The following RINL variants were observed in gnomAD, a reference collection of about 807,000 sequenced individuals.
RINL encodes the protein Ras and Rab interactor like, also known as ras and Rab interactor-like protein.
Under a neutral mutation model 58.1 loss-of-function variants are expected in RINL, and 39 were observed. The observed-to-expected ratio is 0.67, with a 90% CI of 0.52 to 0.88. The LOEUF is 0.88. RINL is among the 40% of genes least tolerant of loss of function. RINL has a pLI of 0.00. For synonymous variants in RINL, 286 were observed against 323.1 expected (o/e 0.89, Z 1.23); for missense variants, 711 against 749.2 (o/e 0.95, Z 0.60).
chr19:38,873,032 C>T (rs1383804937), intron 4 of RINL, among the ~76,000 whole-genome samples: 1 of 152,076 alleles, frequency 6.6e-6, no homozygotes, highest in Non-Finnish European at 1.5e-5. Context: ...TGGGCCACTG[C>T]ACTCCGCCTG....
chr19:38,877,597 C>T (rs931263090), intron 1 of RINL, among the ~76,000 whole-genome samples: 1 of 152,184 alleles, frequency 6.6e-6, no homozygotes, highest in Non-Finnish European at 1.5e-5. Flanking sequence ...TGCCCACTAC[C>T]AAGATTCTAC....
intron 5 of RINL, 26 bp from the exon 6 acceptor site, chr19:38,871,737 A>C (rs765389215): frequency 1.9e-6 from 3 of 1,613,880 alleles, no homozygotes; most frequent in South Asian, 1.1e-5. Flanking sequence ...TGGGAGCCAC[A>C]GTGTCAGTGG....
At position 38,869,546 on chromosome 19, in the gene RINL, T is replaced by A; in HGVS notation, c.1474+27A>T. ...TCCCGGAGGTACTGGATCGCTGGGCTCCAGCATTCTGGAGTTGGGGGCTCA... is the reference window on the plus strand; with the variant it reads ...TCCCGGAGGTACTGGATCGCTGGGCACCAGCATTCTGGAGTTGGGGGCTCA... On this transcript the variant is annotated intron_variant, in intron 10 of 11. Coordinates refer to ENST00000591812, the MANE Select transcript of RINL (RefSeq NM_001195833.2). The surrounding 1 kb of genome is among the most constrained non-coding windows in gnomAD (Gnocchi z 5.7). 1 of 1,611,876 alleles carries A rather than the reference T, an allele frequency of 6.2e-7. No homozygotes were observed. Among genetic ancestry groups the A allele is most frequent in the South Asian group, 1.1e-5 (1 of 90,966 alleles).
intron 3 of RINL, among the ~76,000 whole-genome samples, chr19:38,874,662 G>A (rs981663127): frequency 2.0e-5 from 3 of 152,204 alleles, no homozygotes; most frequent in African/African-American, 7.2e-5. Flanking sequence ...ACCCTCCTGA[G>A]GAGGAAGCTG....
At chr19:38,877,114 C>T (rs955610870) in intron 1 of RINL, among the ~76,000 whole-genome samples, 6 of 152,120 alleles carry the variant, frequency 3.9e-5, no homozygotes, top group South Asian at 2.1e-4. Flanking sequence ...AAGGTTTTGA[C>T]GTGTTACCCA....
chr19:38,874,326 G>A (rs1972874975), intron 3 of RINL, among the ~76,000 whole-genome samples: 1 of 152,066 alleles, frequency 6.6e-6, no homozygotes, highest in Non-Finnish European at 1.5e-5. Flanking sequence ...AGGCTGGAGT[G>A]CAGTGGCACA....
chr19:38,871,316 T>C, intron 6 of RINL, 89 bp from the exon 7 acceptor site: 1 of 1,438,992 alleles, frequency 6.9e-7, no homozygotes, highest in Non-Finnish European at 9.7e-7. Flanking sequence ...ACTTCCCAGC[T>C]TCATTGCTGG....
chr19:38,869,278 G>A lies in RINL; in HGVS notation c.1607C>T (p.Thr536Met). 1 of 1,614,038 alleles carries A rather than the reference G, an allele frequency of 6.2e-7. No homozygotes were observed. The highest frequency in any genetic ancestry group is 8.5e-7 in the Non-Finnish European group (1 of 1,179,960). ...TCTGGGATGATCCTTTCTGTGCAGC[G>A]TCCGCCTGCGGTGCCACTGGTGCAG... ...ASLHQWHRRR[T>M]LHRKDHPRAQ... Residue 536 changes from threonine (T) to methionine (M), a missense_variant, in exon 11 of 12, where the codon ACG (threonine) becomes ATG (methionine). Coordinates refer to ENST00000591812, the MANE Select transcript of RINL (RefSeq NM_001195833.2). The surrounding 1 kb of genome is among the most constrained non-coding windows in gnomAD (Gnocchi z 5.7).
intron 3 of RINL, among the ~76,000 whole-genome samples, chr19:38,875,214 CTT>C (rs968872594): frequency 7.7e-6 from 1 of 129,296 alleles, no homozygotes; most frequent in African/African-American, 2.8e-5. Flanking sequence ...TTTCTTTTTT[CTT>C]TTTTTTTTTT....
At position 38,870,847 on chromosome 19, in the gene RINL, G is replaced by A; in HGVS notation, c.747C>T (p.Asp249=). 6.2e-7 allele frequency: 1 copy of A among 1,607,480 alleles called. No homozygotes were observed. Among genetic ancestry groups the A allele is most frequent in the Non-Finnish European group, 8.5e-7 (1 of 1,179,986 alleles). The change falls in exon 8 of 12, where the codon GAC becomes GAT. Residue 249 remains aspartate (D), a synonymous_variant. Transcript: ENST00000591812. The surrounding 1 kb of genome is among the most constrained non-coding windows in gnomAD (Gnocchi z 5.8). ...CGTCCTCAGGGCCTTCCTCTTCAGGGTCGTCCTCCCTTCCTTCCTCCTTTC... is the reference window on the plus strand; with the variant it reads ...CGTCCTCAGGGCCTTCCTCTTCAGGATCGTCCTCCCTTCCTTCCTCCTTTC... ...LEGKEEGRED[D]PEEEGPEDVL...
Position 38,868,896 on chromosome 19 carries a change from T to C in RINL, c.*208A>G, listed in dbSNP as rs1193326224. ...TCAGTGAGGCTTTCTCTGATACGCC[T>C]GTCTAAAACTGCAAAGCCTCCTGAG... On this transcript the variant is annotated 3_prime_UTR_variant, in exon 12 of 12. Transcript: ENST00000591812. 6 of 513,306 alleles carry C rather than the reference T, an allele frequency of 1.2e-5. No homozygotes were observed. Among genetic ancestry groups the C allele is most frequent in the Admixed American group, 3.3e-5 (1 of 30,524 alleles). 31.8% of individuals were successfully genotyped at this position (513,306 alleles called of 1,614,324 possible).
chr19:38,869,966 C>G lies in RINL; in HGVS notation c.1319G>C (p.Gly440Ala). 6.3e-7 allele frequency: 1 copy of G among 1,599,898 alleles called. No individual in the cohort carries two copies. The highest frequency in any genetic ancestry group is 8.5e-7 in the Non-Finnish European group (1 of 1,174,430). ...LLEVCRDVYA[G>A]LARGENQDPL... is the part of the protein sequence containing the mutation. Reference sequence around the variant, plus strand: ...ACCTTGGTTCTCGCCTCGAGCCAGGCCCGCATAGACATCTCTGCACACCTC... The same window carrying G: ...ACCTTGGTTCTCGCCTCGAGCCAGGGCCGCATAGACATCTCTGCACACCTC... Residue 440 changes from glycine (G) to alanine (A), a missense_variant, in exon 9 of 12, where the codon GGC (glycine) becomes GCC (alanine). Gly to Ala is a moderately conservative substitution (Grantham distance 60). Transcript: ENST00000591812. The surrounding 1 kb of genome is among the most constrained non-coding windows in gnomAD (Gnocchi z 5.7).
chr19:38,870,056 A>T lies in RINL; in HGVS notation c.1229T>A (p.Ile410Asn). ...QSPAPALRSRIHERLAHLHAA... is the reference protein window; with the variant it reads ...QSPAPALRSRNHERLAHLHAA... ...GTGGAGGTGCGCAAGGCGCTCGTGG[A>T]TGCGGCTCCGCAAGGCGGGGGCGGG... Residue 410 changes from isoleucine to asparagine, a missense_variant, in exon 9 of 12, where the codon ATC (isoleucine) becomes AAC (asparagine). Transcript: ENST00000591812. This position sits in a 1 kb window ranked among gnomAD's most constrained non-coding sequence, Gnocchi z 5.8. 1 of 1,535,876 alleles carries T rather than the reference A, an allele frequency of 6.5e-7. No homozygotes were observed. The highest frequency in any genetic ancestry group is 1.4e-5 in the African/African-American group (1 of 71,396).
At chr19:38,877,619 T>A (rs1323712693) in intron 1 of RINL, among the ~76,000 whole-genome samples, 1 of 152,222 alleles carries the variant, frequency 6.6e-6, no homozygotes, top group African/African-American at 2.4e-5. Flanking sequence ...ATGAACATTT[T>A]ACTCATCTTG....
chr19:38,876,900 C>A (rs892889135), intron 1 of RINL, 119 bp from the exon 2 acceptor site: 2 of 627,348 alleles, frequency 3.2e-6, no homozygotes, highest in Admixed American at 2.7e-5. Context: ...GGCCGCTTGC[C>A]GTGGCAGGGG....
At position 38,870,979 on chromosome 19, in the gene RINL, A is replaced by T; in HGVS notation, c.615T>A (p.Pro205=). Residue 205 remains proline (P), a synonymous_variant, in exon 8 of 12, where the codon CCT becomes CCA. Transcript: ENST00000591812. This position sits in a 1 kb window ranked among gnomAD's most constrained non-coding sequence, Gnocchi z 5.8. Reference sequence around the variant, plus strand: ...TCACCCAGGAGACCCCGTGAGGCGCAGGGTTCCTGGGGGCTGGAAGTGAGG... The same window carrying T: ...TCACCCAGGAGACCCCGTGAGGCGCTGGGTTCCTGGGGGCTGGAAGTGAGG... ...AQRHDPAPRN[P]APHGVSWVKG... is the part of the protein sequence containing the mutation. 1 of 1,601,640 alleles carries T rather than the reference A, an allele frequency of 6.2e-7. No individual in the cohort carries two copies.
In RINL at chr19:38,868,728, G is replaced by A; in HGVS notation, c.*376C>T. 5.5e-6 allele frequency: 1 copy of A among 182,990 alleles called. No homozygotes were observed. The highest frequency in any genetic ancestry group is 1.2e-5 in the Non-Finnish European group (1 of 86,056). The allele number at this position is 182,990 out of a possible 1,614,324, so 11.3% of individuals were successfully genotyped here. A position where few individuals can be genotyped will look rare whatever the true frequency, so the allele number is the denominator to read the frequency against. Reference sequence around the variant, plus strand: ...CTATGTGGTTTAGGAGCAGCAAGGAGGAGGGAGGGGTCCCAGGAAAAGGGA... The same window carrying A: ...CTATGTGGTTTAGGAGCAGCAAGGAAGAGGGAGGGGTCCCAGGAAAAGGGA... On this transcript the variant is annotated 3_prime_UTR_variant, in exon 12 of 12. Transcript: ENST00000591812.
At position 38,871,820 on chromosome 19, in the gene RINL, G is replaced by A. The variant is rs776874319; in HGVS notation, c.364C>T (p.Leu122=). 6.2e-7 allele frequency: 1 copy of A among 1,614,170 alleles called. No homozygotes were observed. The highest frequency in any genetic ancestry group is 8.5e-7 in the Non-Finnish European group (1 of 1,179,988). Reference sequence around the variant, plus strand: ...TACCTGCTGGCTGATAGAAAGGCCAGGAGATGGGGCAGGTCTGGCATGCAG... The same window carrying A: ...TACCTGCTGGCTGATAGAAAGGCCAAGAGATGGGGCAGGTCTGGCATGCAG... ...NLCMPDLPHL[L]AFLSASRDVL... The change falls in exon 5 of 12, where the codon CTG becomes TTG. Residue 122 remains leucine (L), a synonymous_variant. Coordinates refer to ENST00000591812, the MANE Select transcript of RINL (RefSeq NM_001195833.2).
chr19:38,876,216 C>T, intron 3 of RINL, 115 bp downstream of exon 3: 2 of 1,023,716 alleles, frequency 2.0e-6, no homozygotes, highest in Non-Finnish European at 1.4e-6. Context: ...TGAGCCATTG[C>T]ACCCAGCAAT....
Sources: allele counts gnomAD v4.1 joint callset (sites outside exome capture counted in the v4.1 genomes callset), GRCh38; gene constraint gnomAD v4.1.1; non-coding constraint Gnocchi (gnomAD v3.1); transcripts MANE v1.5; gene names NCBI Gene and HGNC (gene_info 2026-07-23, HGNC 2026-07-21).